Variants in TRMT9B observed in about 807,000 individuals in gnomAD.
The protein encoded by TRMT9B is tRNA methyltransferase 9B (putative), also known as probable tRNA methyltransferase 9B.
Under a neutral mutation model 11.5 loss-of-function variants are expected in TRMT9B, and 16 were observed. The ratio of observed to expected loss-of-function variants is 1.39; its 90% CI spans 0.94 to 2.11. TRMT9B has a LOEUF of 2.11. Ranked by LOEUF, TRMT9B falls within the 30% of genes most tolerant of loss-of-function variation. The pLI, the probability that TRMT9B is intolerant of heterozygous loss-of-function variation, is 0.00. For missense variants in TRMT9B, 941 were observed against 553.8 expected, an observed-to-expected ratio of 1.70 and a Z score of -7.02; for synonymous variants, 274 against 192.4, an observed-to-expected ratio of 1.42 and a Z score of -3.51.
At chr8:12,991,372 G>A (rs557406217) in intron 2 of TRMT9B, among the ~76,000 whole-genome samples, 42 of 152,294 alleles carry the variant, frequency 2.8e-4, no homozygotes, top group African/African-American at 8.9e-4. Context: ...GAAGTTGCAT[G>A]TATTAAAAAG....
At chr8:12,990,097 T>A (rs1807065991) in intron 1 of TRMT9B, among the ~76,000 whole-genome samples, 1 of 152,152 alleles carries the variant, frequency 6.6e-6, no homozygotes, top group Non-Finnish European at 1.5e-5. Flanking sequence ...TCACTGGGTG[T>A]AATAAGAAGT....
chr8:13,008,798 G>A (rs950214540), intron 3 of TRMT9B, among the ~76,000 whole-genome samples: 1 of 151,974 alleles, frequency 6.6e-6, no homozygotes, highest in African/African-American at 2.4e-5. Flanking sequence ...GCGCCATCTC[G>A]GCTCACTGCA....
intron 1 of TRMT9B, among the ~76,000 whole-genome samples, chr8:12,973,391 G>C (rs1402140100): frequency 6.6e-6 from 1 of 152,162 alleles, no homozygotes; most frequent in East Asian, 1.9e-4. Context: ...ACAGAAAGCT[G>C]GATATGTGCC....
intron 2 of TRMT9B, among the ~76,000 whole-genome samples, chr8:13,001,709 G>A (rs1483994766): frequency 6.6e-6 from 1 of 150,990 alleles, no homozygotes; most frequent in Non-Finnish European, 1.5e-5. Flanking sequence ...CATCAACCGG[G>A]ACTCTTTTCT....
chr8:12,976,027 C>G (rs779071182), intron 1 of TRMT9B, among the ~76,000 whole-genome samples: 6 of 152,160 alleles, frequency 3.9e-5, no homozygotes, highest in Non-Finnish European at 8.8e-5. Flanking sequence ...TTGGACTGAT[C>G]AGGAATTTAT....
At chr8:12,982,740 A>C (rs952837580) in intron 1 of TRMT9B, among the ~76,000 whole-genome samples, 1 of 152,152 alleles carries the variant, frequency 6.6e-6, no homozygotes, top group Non-Finnish European at 1.5e-5. Flanking sequence ...CTGAAATTCC[A>C]AATCTGAAAT....
chr8:12,970,248 C>T lies in TRMT9B; in HGVS notation c.-199-20586C>T, dbSNP rs537688568. ...TAGACATCTGTTGTTATTAAACAGA[C>T]CAGTGCCTTCCTTCACTGTCCATGA... is the stretch of plus-strand genomic sequence containing the variant. On this transcript the variant is annotated intron_variant, in intron 1 of 4. Transcript: ENST00000524591. 3 of 152,330 alleles carry T rather than the reference C, an allele frequency of 2.0e-5. No homozygotes were observed. The South Asian group carries it at 6.2e-4, about 32-fold the overall frequency. The allele number at this position is 152,330 out of a possible 1,614,324, so 9.4% of individuals were successfully genotyped here.
rs78546775 is a variant in TRMT9B at position 13,023,716 on chromosome 8, C to G, written c.*1672C>G. The G allele has an allele frequency of 0.041, 6,862 of 167,002 alleles. 171 individuals carry two copies. Among genetic ancestry groups the G allele is most frequent in the Non-Finnish European group, 0.051 (3,442 of 68,100 alleles). The allele number at this position is 167,002 out of a possible 1,614,324, so 10.3% of individuals were successfully genotyped here. A position where few individuals can be genotyped will look rare whatever the true frequency, so the allele number is the denominator to read the frequency against. ...TCCAAATCTTGTTTTATTTTTTCCA[C>G]TAAAAGTGACTAAAATAATAACGAA... On this transcript the variant is annotated 3_prime_UTR_variant, in exon 5 of 5. Transcript: ENST00000524591.
intron 2 of TRMT9B, among the ~76,000 whole-genome samples, chr8:12,995,868 C>A (rs1319764557): frequency 2.0e-5 from 3 of 152,150 alleles, no homozygotes; most frequent in East Asian, 1.9e-4. Context: ...TTTCCAATAA[C>A]TGCACATATA....
intron 4 of TRMT9B, among the ~76,000 whole-genome samples, chr8:13,017,162 A>G (rs1812878249): frequency 6.6e-6 from 1 of 152,068 alleles, no homozygotes; most frequent in Non-Finnish European, 1.5e-5. Context: ...TGTCAATAGT[A>G]CTGATGTTTA....
intron 2 of TRMT9B, among the ~76,000 whole-genome samples, chr8:13,002,811 T>C (rs529008619): frequency 6.6e-6 from 1 of 152,252 alleles, no homozygotes; most frequent in African/African-American, 2.4e-5. Flanking sequence ...GACACCGTCT[T>C]ACCCAAGTAC....
intron 3 of TRMT9B, chr8:13,010,137 G>A (rs4397404): frequency 0.024 from 11,216 of 463,088 alleles, 53 homozygotes; most frequent in African/African-American, 0.044. Context: ...GACCCTATCT[G>A]AAAAAAAAAA....
Position 12,965,192 on chromosome 8 carries a change from A to G in TRMT9B, c.-200+19226A>G, listed in dbSNP as rs74704761. On this transcript the variant is annotated intron_variant, in intron 1 of 4. Transcript: ENST00000524591. ...TAATCGTGGCACTTACTCAGAACCA[A>G]AAGCCTCTGTGTGTGATATAAGCAT... Among the ~76,000 whole-genome samples the G allele has an allele frequency of 1.1e-3, 170 of 152,332 alleles. 1 individual carries two copies. The highest frequency in any genetic ancestry group is 4.1e-3 in the African/African-American group (169 of 41,576).
At position 13,006,323 on chromosome 8, in the gene TRMT9B, GAGC is replaced by G. The variant is rs1328776606; in HGVS notation, c.124_126del (p.Gln42del). 1.2e-6 allele frequency: 2 copies of G among 1,613,414 alleles called. No individual in the cohort carries two copies. Among genetic ancestry groups the G allele is most frequent in the South Asian group, 2.2e-5 (2 of 91,024 alleles). On this transcript the variant is annotated inframe_deletion, in exon 3 of 5. Transcript: ENST00000524591. Reference sequence around the variant, plus strand: ...GCCTCGTGTCCGCCAGTTCCTGCAAGAGCAGAAGCCAGGCAGCCTCATCGCTGA... The same window carrying G: ...GCCTCGTGTCCGCCAGTTCCTGCAAGAGAAGCCAGGCAGCCTCATCGCTGA...
intron 4 of TRMT9B, among the ~76,000 whole-genome samples, chr8:13,020,604 G>A (rs1044585045): frequency 1.3e-5 from 2 of 152,024 alleles, no homozygotes; most frequent in Non-Finnish European, 2.9e-5. Context: ...TTACCTCATA[G>A]AATTCAAAGG....
chr8:13,012,679 T>C lies in TRMT9B; in HGVS notation c.155-5T>C, dbSNP rs1811870141. On this transcript the variant is annotated splice_region_variant and splice_polypyrimidine_tract_variant and intron_variant, in intron 3 of 4. Coordinates refer to ENST00000524591, the MANE Select transcript of TRMT9B (RefSeq NM_020844.3). ...TAGCATGTAACGCAGGTTTTTCTCT[T>C]ATAGGTTGTGGGACTGGAAAATATC... 6.2e-7 allele frequency: 1 copy of C among 1,610,760 alleles called. No homozygotes were observed. Among genetic ancestry groups the C allele is most frequent in the Non-Finnish European group, 8.5e-7 (1 of 1,178,186 alleles).
At chr8:12,959,045 A>G (rs973777170) in intron 1 of TRMT9B, among the ~76,000 whole-genome samples, 1 of 152,162 alleles carries the variant, frequency 6.6e-6, no homozygotes, top group African/African-American at 2.4e-5. Flanking sequence ...ATACCTATGT[A>G]ACAAACCTGC....
chr8:12,976,949 T>A (rs1207487948), intron 1 of TRMT9B, among the ~76,000 whole-genome samples: 1 of 152,134 alleles, frequency 6.6e-6, no homozygotes, highest in Non-Finnish European at 1.5e-5. Context: ...TCCTGCTGCC[T>A]CCTCCCAAAT....
At chr8:13,015,947 A>G (rs961045274) in intron 4 of TRMT9B, among the ~76,000 whole-genome samples, 16 of 151,890 alleles carry the variant, frequency 1.1e-4, no homozygotes, top group Admixed American at 3.9e-4. Flanking sequence ...GTTCACATTT[A>G]GGACTATATT....
Sources: gnomAD v4.1 joint callset for allele counts (sites outside exome capture counted in the v4.1 genomes callset) on GRCh38, gnomAD v4.1.1 for gene constraint, MANE v1.5 for transcripts, NCBI Gene and HGNC (gene_info 2026-07-23, HGNC 2026-07-21) for gene names.